PCDHGB3: variants seen among roughly 807,000 people sequenced by gnomAD.
PCDHGB3 encodes protocadherin gamma subfamily B, 3.
Under a neutral mutation model 59.2 loss-of-function variants are expected in PCDHGB3, and 40 were observed. That is an observed-to-expected ratio of 0.68 (90% CI 0.52 to 0.88). The LOEUF is 0.88. Among genes scored for constraint, PCDHGB3 ranks in the 40% least tolerant of loss-of-function variants. The pLI, the probability that PCDHGB3 is intolerant of heterozygous loss-of-function variation, is 0.00. For missense variants in PCDHGB3, 1,309 were observed against 1,187.9 expected (o/e 1.10, Z -1.50); for synonymous variants, 581 against 503.6 (o/e 1.15, Z -2.06).
chr5:141,413,832 C>T, intron 1 of PCDHGB3: 1 of 1,613,228 alleles, frequency 6.2e-7, no homozygotes. Context: ...TCACCGCCTC[C>T]GACGGGGGTG....
At position 141,429,387 on chromosome 5, in the gene PCDHGB3, TAAAAA is replaced by T. The variant is rs11410533; in HGVS notation, c.2415+56582_2415+56586del. On this transcript the variant is annotated intron_variant, in intron 1 of 3. Transcript: ENST00000576222. ...AAATGGAGAAAATGTGTTTTTTTTT[TAAAAA>T]AAATTGAGATTAAGGTCTCATTATG... 8.8e-4 allele frequency among the ~76,000 whole-genome samples: 134 copies of T among 151,448 alleles called. 1 individual carries two copies. Among genetic ancestry groups the T allele is most frequent in the Non-Finnish European group, 1.5e-3 (103 of 67,818 alleles).
intron 1 of PCDHGB3, chr5:141,393,263 A>T: frequency 6.2e-7 from 1 of 1,613,926 alleles, no homozygotes; most frequent in African/African-American, 1.3e-5. Flanking sequence ...TTCCTGGAGC[A>T]CGTTATCCAC....
rs769633110 is a variant in PCDHGB3 at position 141,374,076 on chromosome 5, A to G, written c.2415+1267A>G. The G allele has an allele frequency of 3.3e-6, 5 of 1,514,538 alleles. No homozygotes were observed. The Admixed American group carries it at 9.2e-5, about 28-fold the overall frequency. 93.8% of individuals were successfully genotyped at this position (1,514,538 alleles called of 1,614,324 possible). A position where few individuals can be genotyped will look rare whatever the true frequency, so the allele number is the denominator to read the frequency against. ...CTTAATCCCAGAGAAGTTCCTAATA[A>G]GCCAGTAATGGCGCCTCCGCAGAGG... On this transcript the variant is annotated intron_variant, in intron 1 of 3. Coordinates refer to ENST00000576222, the MANE Select transcript of PCDHGB3 (RefSeq NM_018924.5).
chr5:141,433,262 T>C (rs2097580507), intron 1 of PCDHGB3: 1 of 1,339,318 alleles, frequency 7.5e-7, no homozygotes, highest in Non-Finnish European at 1.0e-6. Context: ...GGTACGATCA[T>C]AGCTCACTGC....
intron 1 of PCDHGB3, chr5:141,399,376 A>G: frequency 6.2e-7 from 1 of 1,613,956 alleles, no homozygotes; most frequent in Non-Finnish European, 8.5e-7. Flanking sequence ...GTACAATGTC[A>G]CCATCACAGC....
At chr5:141,436,071 A>G (rs1419598304) in intron 1 of PCDHGB3, among the ~76,000 whole-genome samples, 1 of 152,222 alleles carries the variant, frequency 6.6e-6, no homozygotes. Context: ...TAATAAGTAC[A>G]GTGTTCTATA....
intron 1 of PCDHGB3, among the ~76,000 whole-genome samples, chr5:141,453,067 C>T (rs1227122711): frequency 1.3e-5 from 2 of 152,024 alleles, no homozygotes; most frequent in Admixed American, 6.6e-5. Flanking sequence ...AGAGTTTTGC[C>T]ACACTCTGGT....
intron 1 of PCDHGB3, chr5:141,392,496 T>C (rs1357893523): frequency 4.6e-6 from 1 of 215,562 alleles, no homozygotes; most frequent in Non-Finnish European, 9.1e-6. Context: ...AATAAGCAAA[T>C]GATTTTTTTT....
At chr5:141,384,046 A>T (rs372405767) in intron 1 of PCDHGB3, 1 of 1,612,316 alleles carries the variant, frequency 6.2e-7, no homozygotes, top group Admixed American at 1.7e-5. Context: ...TGGTGAGGTG[A>T]CCTGCACCAT....
chr5:141,375,578 G>T, intron 1 of PCDHGB3: 1 of 1,614,062 alleles, frequency 6.2e-7, no homozygotes, highest in Non-Finnish European at 8.5e-7. Flanking sequence ...CCTCCAGGGG[G>T]CGCCCCTGTC....
intron 1 of PCDHGB3, chr5:141,399,064 A>G: frequency 1.2e-6 from 2 of 1,613,762 alleles, no homozygotes; most frequent in Non-Finnish European, 1.7e-6. Flanking sequence ...GGAATATTCA[A>G]TGGTTGTAGA....
intron 1 of PCDHGB3, chr5:141,423,278 A>C: frequency 1.2e-6 from 2 of 1,613,940 alleles, no homozygotes; most frequent in Non-Finnish European, 1.7e-6. Flanking sequence ...TCTCTGGCTA[A>C]CTCTGAAACC....
At chr5:141,405,603 T>A in intron 1 of PCDHGB3, 1 of 571,444 alleles carries the variant, frequency 1.7e-6, no homozygotes, top group Non-Finnish European at 3.1e-6. Flanking sequence ...CCAAGTAGAA[T>A]AACTGGGACT....
intron 1 of PCDHGB3, chr5:141,394,133 G>T: frequency 6.2e-7 from 1 of 1,613,920 alleles, no homozygotes; most frequent in Non-Finnish European, 8.5e-7. Flanking sequence ...AAATCGCTCT[G>T]CACGTGGCAG....
intron 3 of PCDHGB3, among the ~76,000 whole-genome samples, chr5:141,510,639 T>TATCA (rs998925545): frequency 1.4e-4 from 22 of 152,300 alleles, no homozygotes; most frequent in African/African-American, 4.6e-4. Context: ...TGGTTACCAT[T>TATCA]ATCATCCCCA....
In PCDHGB3 at chr5:141,371,112, C is replaced by T. The variant is rs756319459; in HGVS notation, c.718C>T (p.Pro240Ser). Reference protein sequence around the residue: ...VIVADANDNPPVFTQDMYRVN... With the variant: ...VIVADANDNPSVFTQDMYRVN... Reference sequence around the variant, plus strand: ...TGTCGCAGATGCAAATGATAACCCCCCAGTATTTACTCAGGACATGTACAG... The same window carrying T: ...TGTCGCAGATGCAAATGATAACCCCTCAGTATTTACTCAGGACATGTACAG... The change falls in exon 1 of 4, where the codon CCA becomes TCA. Residue 240 changes from proline to serine, a missense_variant. Physicochemically the swap from Pro to Ser is moderately conservative, Grantham distance 74. Coordinates refer to ENST00000576222, the MANE Select transcript of PCDHGB3 (RefSeq NM_018924.5). The T allele has an allele frequency of 6.2e-7, 1 of 1,613,922 alleles. No homozygotes were observed. The highest frequency in any genetic ancestry group is 8.5e-7 in the Non-Finnish European group (1 of 1,179,828).
intron 1 of PCDHGB3, chr5:141,402,990 T>A (rs773089843): frequency 1.6e-5 from 26 of 1,611,934 alleles, no homozygotes; most frequent in Non-Finnish European, 2.0e-5. Context: ...CGCGGAAGAT[T>A]AGTCCTGCTA....
intron 1 of PCDHGB3, chr5:141,399,725 A>G (rs2093873556): frequency 6.2e-7 from 1 of 1,613,192 alleles, no homozygotes; most frequent in Admixed American, 1.7e-5. Flanking sequence ...GCCCGCGACC[A>G]GGGCTCGCCT....
chr5:141,415,761 T>TG (rs1485369884), intron 1 of PCDHGB3: 1 of 1,399,490 alleles, frequency 7.1e-7, no homozygotes, highest in Non-Finnish European at 9.3e-7. Flanking sequence ...TTTTTTTTTT[T>TG]TTTTTTTTTT....
Sources: allele counts gnomAD v4.1 joint callset (sites outside exome capture counted in the v4.1 genomes callset), GRCh38; gene constraint gnomAD v4.1.1; transcripts MANE v1.5; gene names NCBI Gene and HGNC (gene_info 2026-07-23, HGNC 2026-07-21).